Variants in ARHGEF10 observed in about 807,000 individuals in gnomAD.
The protein encoded by ARHGEF10 is Rho guanine nucleotide exchange factor (GEF) 10.
ARHGEF10 carries 140 observed loss-of-function variants against 147.4 expected under a neutral mutation model. The observed-to-expected ratio is 0.95, with a 90% confidence interval of 0.83 to 1.09. The LOEUF (loss-of-function observed/expected upper bound fraction) is 1.09. ARHGEF10 is among the 50% of genes least tolerant of loss of function. The pLI is 0.00. For missense variants in ARHGEF10, 2,222 were observed against 1,752.7 expected, an observed-to-expected ratio of 1.27 and a Z score of -4.78; for synonymous variants, 902 against 695.8, an observed-to-expected ratio of 1.30 and a Z score of -4.67.
intron 9 of ARHGEF10, among the ~76,000 whole-genome samples, chr8:1,880,566 A>G (rs911342172): frequency 6.6e-6 from 1 of 152,222 alleles, no homozygotes; most frequent in Admixed American, 6.5e-5. Context: ...AAAATATCCA[A>G]AATTTTTCAG....
At chr8:1,892,235 A>G (rs528215920) in intron 11 of ARHGEF10, among the ~76,000 whole-genome samples, 156 of 145,778 alleles carry the variant, frequency 1.1e-3, no homozygotes, top group African/African-American at 3.9e-3. Flanking sequence ...GTTTCCTGTG[A>G]ATCAGTCAGT....
intron 11 of ARHGEF10, among the ~76,000 whole-genome samples, chr8:1,888,930 G>GAGTTATGAGGAGACACTGAGTTGGGTGA (rs1809100228): frequency 3.2e-5 from 4 of 124,800 alleles, no homozygotes; most frequent in Non-Finnish European, 3.4e-5. Flanking sequence ...AGTGGGGTGA[G>GAGTTATGAGGAGACACTGAGTTGGGTGA]GGGTCTGTGA....
At chr8:1,866,465 G>T in intron 5 of ARHGEF10, 61 bp from the exon 6 acceptor site, 1 of 1,434,272 alleles carries the variant, frequency 7.0e-7, no homozygotes, top group South Asian at 1.1e-5. Context: ...CAGGGCAGTT[G>T]GCATCCTAGT....
rs1290691795 is a variant in ARHGEF10, at chr8:1,919,056, C to T, written c.2144-3908C>T. 5.1e-5 allele frequency among the ~76,000 whole-genome samples: 7 copies of T among 137,896 alleles called. No individual in the cohort carries two copies. In the East Asian group the frequency reaches 1.4e-3, roughly 27 times the overall value. The allele number at this position is 137,896 out of a possible 152,430, so 90.5% of individuals were successfully genotyped here. ...CTGTTCTGTGGGTGATGGAGCTGTT[C>T]TGTAGAGTGATAGAGCTGTTCCAGG... On this transcript the variant is annotated intron_variant, in intron 18 of 28. Coordinates refer to ENST00000349830, the MANE Select transcript of ARHGEF10 (RefSeq NM_014629.4).
chr8:1,900,871 T>C (rs952976717), intron 15 of ARHGEF10, among the ~76,000 whole-genome samples: 1 of 152,138 alleles, frequency 6.6e-6, no homozygotes, highest in African/African-American at 2.4e-5. Flanking sequence ...AGACCCTCTT[T>C]AGAATTTCCC....
At chr8:1,930,874 G>A (rs1813083933) in intron 25 of ARHGEF10, among the ~76,000 whole-genome samples, 2 of 152,248 alleles carry the variant, frequency 1.3e-5, no homozygotes, top group Admixed American at 6.5e-5. Context: ...TCGTCCCTCA[G>A]CCATCTGGAG....
At position 1,938,528 on chromosome 8, in the gene ARHGEF10, G is replaced by A. The variant is rs183288921; in HGVS notation, c.3222+4586G>A. ...GAAAAACAATGAAATAATAAAATAG[G>A]CGAGATATTAAAGATGACCTAAATA... On this transcript the variant is annotated intron_variant, in intron 26 of 28. Coordinates refer to ENST00000349830, the MANE Select transcript of ARHGEF10 (RefSeq NM_014629.4). Among the ~76,000 whole-genome samples the A allele has an allele frequency of 1.5e-4, 23 of 152,310 alleles. No individual in the cohort carries two copies. In the East Asian group the frequency reaches 4.4e-3, roughly 29 times the overall value.
chr8:1,929,518 C>T (rs1228992201), intron 25 of ARHGEF10, 75 bp downstream of exon 25: 2 of 1,498,058 alleles, frequency 1.3e-6, no homozygotes, highest in African/African-American at 1.4e-5. Flanking sequence ...TTTAGCCTCC[C>T]CACCTCCCCA....
chr8:1,833,128 AGGC>A (rs1168493976), intron 1 of ARHGEF10, among the ~76,000 whole-genome samples: 196 of 94,878 alleles, frequency 2.1e-3, no homozygotes, highest in East Asian at 0.017. Context: ...AGAGAGACAG[AGGC>A]AGAGGCAGAG....
At chr8:1,882,354 T>A (rs540068773) in intron 9 of ARHGEF10, among the ~76,000 whole-genome samples, 1 of 152,346 alleles carries the variant, frequency 6.6e-6, no homozygotes, top group Non-Finnish European at 1.5e-5. Flanking sequence ...GTGACTCACC[T>A]GTGACCCCCA....
intron 2 of ARHGEF10, among the ~76,000 whole-genome samples, chr8:1,854,238 CGG>C (rs758907580): frequency 4.3e-4 from 66 of 152,142 alleles, no homozygotes; most frequent in Admixed American, 9.8e-4. Context: ...CCTCAGAGGG[CGG>C]CGCAGCCTCA....
chr8:1,828,156 CG>C (rs1802878367), intron 1 of ARHGEF10, among the ~76,000 whole-genome samples: 1 of 152,212 alleles, frequency 6.6e-6, no homozygotes, highest in African/African-American at 2.4e-5. Flanking sequence ...CCAGGTGAGT[CG>C]GGGTGAGTCA....
rs1221307897 is a variant in ARHGEF10, at chr8:1,889,073, G to C, written c.1182+3366G>C. Among the ~76,000 whole-genome samples, 2 of 95,518 alleles carry C rather than the reference G, an allele frequency of 2.1e-5. 1 individual carries two copies. Among genetic ancestry groups the C allele is most frequent in the Non-Finnish European group, 4.0e-5 (2 of 49,650 alleles). The allele number at this position is 95,518 out of a possible 152,430, so 62.7% of individuals were successfully genotyped here. On this transcript the variant is annotated intron_variant, in intron 11 of 28. Transcript: ENST00000349830. Reference sequence around the variant, plus strand: ...GCGGGTCATGAGGAGACAGTGATTGGGGTGAGGGGTCCGTGAGGAGACACT... The same window carrying C: ...GCGGGTCATGAGGAGACAGTGATTGCGGTGAGGGGTCCGTGAGGAGACACT...
chr8:1,866,145 C>T (rs1021962441), intron 5 of ARHGEF10, among the ~76,000 whole-genome samples: 1 of 152,186 alleles, frequency 6.6e-6, no homozygotes, highest in Non-Finnish European at 1.5e-5. Context: ...GGAGACGGCC[C>T]ATTGCCCGCT....
At position 1,905,643 on chromosome 8, in the gene ARHGEF10, G is replaced by A. The variant is rs1220504439; in HGVS notation, c.1894G>A (p.Glu632Lys). ...MIETVYNDRG[E>K]IVKTKERRVF... ...AGAAACAGTTTACAACGACAGAGGA[G>A]AGATTGTTAAAACCAAAGAACGCCG... Residue 632 changes from glutamate to lysine, a missense_variant, in exon 17 of 29, where the codon GAG becomes AAG. By Grantham distance (56) the Glu-to-Lys change is moderately conservative. Transcript: ENST00000349830. The A allele has an allele frequency of 1.2e-6, 2 of 1,614,100 alleles. No individual in the cohort carries two copies. The highest frequency in any genetic ancestry group is 3.3e-5 in the Admixed American group (2 of 60,012).
At chr8:1,834,334 G>A (rs1267892120) in intron 1 of ARHGEF10, among the ~76,000 whole-genome samples, 3 of 152,192 alleles carry the variant, frequency 2.0e-5, no homozygotes, top group Non-Finnish European at 2.9e-5. Context: ...GGAGCGTGCA[G>A]AGGAGGGGAG....
intron 13 of ARHGEF10, 25 bp from the exon 14 acceptor site, chr8:1,896,308 C>G: frequency 2.0e-6 from 3 of 1,523,902 alleles, no homozygotes; most frequent in Non-Finnish European, 2.7e-6. Context: ...TGTGATTTCT[C>G]TCTGAATTTC....
chr8:1,875,527 G>A (rs1807624004), intron 7 of ARHGEF10, among the ~76,000 whole-genome samples: 1 of 152,162 alleles, frequency 6.6e-6, no homozygotes, highest in South Asian at 2.1e-4. Context: ...TGGGTGCCCG[G>A]GTGGTGATCA....
chr8:1,861,346 G>A (rs1197234284), intron 4 of ARHGEF10, among the ~76,000 whole-genome samples: 1 of 152,250 alleles, frequency 6.6e-6, no homozygotes, highest in Non-Finnish European at 1.5e-5. Flanking sequence ...CCAAGGGCTG[G>A]GGCCTCCTGC....
Sources: gnomAD v4.1 joint callset for allele counts (sites outside exome capture counted in the v4.1 genomes callset) on GRCh38, gnomAD v4.1.1 for gene constraint, MANE v1.5 for transcripts, NCBI Gene and HGNC (gene_info 2026-07-23, HGNC 2026-07-21) for gene names.